THSD7B: variants seen among roughly 807,000 people sequenced by gnomAD.
The protein encoded by THSD7B is thrombospondin type-1 domain-containing protein 7B.
Under a neutral mutation model 213.6 loss-of-function variants are expected in THSD7B, and 138 were observed. That is an observed-to-expected ratio of 0.65 (90% confidence interval 0.56 to 0.74). The LOEUF (loss-of-function observed/expected upper bound fraction) is 0.74. Among genes scored for constraint, THSD7B ranks in the 30% least tolerant of loss-of-function variants. The probability of loss-of-function intolerance (pLI) is 0.00; values close to 1 mark genes in which losing one functional copy is unlikely to be tolerated. For synonymous variants in THSD7B, 742 were observed against 687.0 expected, an observed-to-expected ratio of 1.08 and a Z score of -1.25; for missense variants, 1,931 against 1,991.5, an observed-to-expected ratio of 0.97 and a Z score of 0.58.
intron 3 of THSD7B, among the ~76,000 whole-genome samples, chr2:137,070,094 T>C (rs1472346458): frequency 6.6e-6 from 1 of 151,916 alleles, no homozygotes; most frequent in East Asian, 1.9e-4. Context: ...ATGTCACTAA[T>C]CCCATGTCCT....
chr2:136,998,434 G>A (rs899384664), intron 2 of THSD7B, among the ~76,000 whole-genome samples: 4 of 152,052 alleles, frequency 2.6e-5, no homozygotes, highest in East Asian at 1.9e-4. Context: ...ACTTAAATGA[G>A]TGAGGATGGC....
chr2:137,647,047 C>T (rs968909365), intron 21 of THSD7B, among the ~76,000 whole-genome samples: 1 of 152,184 alleles, frequency 6.6e-6, no homozygotes, highest in Non-Finnish European at 1.5e-5. Context: ...TATCCGTGAC[C>T]TTCCCTTGAT....
chr2:137,004,430 A>G (rs563070545), intron 2 of THSD7B, among the ~76,000 whole-genome samples: 3 of 152,158 alleles, frequency 2.0e-5, no homozygotes, highest in Non-Finnish European at 4.4e-5. Flanking sequence ...TCTTATGGAA[A>G]CAATTGCTTG....
At chr2:137,128,013 G>A (rs1462169099) in intron 5 of THSD7B, among the ~76,000 whole-genome samples, 1 of 152,034 alleles carries the variant, frequency 6.6e-6, no homozygotes, top group Non-Finnish European at 1.5e-5. Context: ...AGATGTAAAG[G>A]CAGTTGCATT....
At chr2:137,672,825 T>G (rs1183669857) in intron 27 of THSD7B, among the ~76,000 whole-genome samples, 1 of 152,198 alleles carries the variant, frequency 6.6e-6, no homozygotes, top group Non-Finnish European at 1.5e-5. Context: ...AATACTAGCC[T>G]TTGAACATCT....
At chr2:136,793,474 G>T (rs1469007634) in intron 1 of THSD7B, among the ~76,000 whole-genome samples, 1 of 151,978 alleles carries the variant, frequency 6.6e-6, no homozygotes. Flanking sequence ...TTTTCCCAGT[G>T]TGTGGGGTTA....
intron 1 of THSD7B, among the ~76,000 whole-genome samples, chr2:136,788,263 T>C (rs1309244604): frequency 1.3e-5 from 2 of 152,154 alleles, no homozygotes; most frequent in Non-Finnish European, 2.9e-5. Context: ...CAAATCACAA[T>C]TGATTGAAGG....
chr2:137,634,627 A>G (rs1044669893), intron 20 of THSD7B, among the ~76,000 whole-genome samples: 1 of 152,218 alleles, frequency 6.6e-6, no homozygotes, highest in Non-Finnish European at 1.5e-5. Flanking sequence ...TCAGGGCCAC[A>G]GAAGAATTGT....
At chr2:137,137,094 G>A (rs999993056) in intron 5 of THSD7B, among the ~76,000 whole-genome samples, 5 of 152,142 alleles carry the variant, frequency 3.3e-5, no homozygotes, top group African/African-American at 1.2e-4. Context: ...GTTAAATGAA[G>A]TTTTGGTAAA....
At chr2:137,389,193 CATATAT>C (rs59969102) in intron 12 of THSD7B, among the ~76,000 whole-genome samples, 56 of 127,290 alleles carry the variant, frequency 4.4e-4, no homozygotes, top group Middle Eastern at 4.1e-3. Context: ...ATATATCTGT[CATATAT>C]ATATATATAT....
At chr2:137,250,567 C>T (rs1428577902) in intron 10 of THSD7B, among the ~76,000 whole-genome samples, 1 of 152,196 alleles carries the variant, frequency 6.6e-6, no homozygotes, top group Non-Finnish European at 1.5e-5. Flanking sequence ...CACATGGAAT[C>T]CTAAGCTCTT....
At chr2:137,605,244 C>A (rs1043080869) in intron 17 of THSD7B, among the ~76,000 whole-genome samples, 6 of 152,102 alleles carry the variant, frequency 3.9e-5, no homozygotes, top group Non-Finnish European at 5.9e-5. Context: ...AGAAACAGCC[C>A]AAACTCATCA....
chr2:136,956,931 G>A (rs1177405568), intron 2 of THSD7B, among the ~76,000 whole-genome samples: 2 of 152,080 alleles, frequency 1.3e-5, no homozygotes, highest in African/African-American at 2.4e-5. Flanking sequence ...GCCTGCCTCA[G>A]CCTCCCAAAG....
At chr2:137,332,669 C>T (rs1013086058) in intron 12 of THSD7B, among the ~76,000 whole-genome samples, 1 of 152,100 alleles carries the variant, frequency 6.6e-6, no homozygotes, top group African/African-American at 2.4e-5. Flanking sequence ...ATTGTAGTTC[C>T]CATAATCCCA....
At chr2:137,167,741 T>C (rs1302143980) in intron 6 of THSD7B, among the ~76,000 whole-genome samples, 2 of 152,180 alleles carry the variant, frequency 1.3e-5, no homozygotes, top group African/African-American at 4.8e-5. Context: ...CAGATACTAG[T>C]TTCACTAAAG....
At chr2:137,058,035 A>C (rs1056885654) in intron 3 of THSD7B, among the ~76,000 whole-genome samples, 4 of 152,216 alleles carry the variant, frequency 2.6e-5, no homozygotes, top group African/African-American at 7.2e-5. Flanking sequence ...ATAGTACTTA[A>C]ATTACCAAAC....
chr2:136,767,944 G>A (rs1681437875), intron 1 of THSD7B, among the ~76,000 whole-genome samples: 1 of 151,526 alleles, frequency 6.6e-6, no homozygotes, highest in Non-Finnish European at 1.5e-5. Context: ...GTTGTTGATT[G>A]TTAGAGAGTT....
chr2:137,646,676 AATAAT>A (rs748074580), intron 21 of THSD7B, among the ~76,000 whole-genome samples: 22 of 148,078 alleles, frequency 1.5e-4, no homozygotes, highest in Non-Finnish European at 2.1e-4. Context: ...TAATAATAAT[AATAAT>A]AAACACTTCA....
At position 136,851,750 on chromosome 2, in the gene THSD7B, G is replaced by A. The variant is rs893026670; in HGVS notation, c.-35-30394G>A. Among the ~76,000 whole-genome samples the A allele has an allele frequency of 2.6e-5, 4 of 151,954 alleles. No individual in the cohort carries two copies. In the South Asian group the frequency reaches 6.2e-4, roughly 24 times the overall value. ...GTCTCTTAAGGCCTAGTCTTGTATC[G>A]TTACAGCCTTTTTCTACAGGACAAA... On this transcript the variant is annotated intron_variant, in intron 1 of 27. Transcript: ENST00000409968.
Sources: gnomAD v4.1 joint callset for allele counts (sites outside exome capture counted in the v4.1 genomes callset) on GRCh38, gnomAD v4.1.1 for gene constraint, MANE v1.5 for transcripts, NCBI Gene and HGNC (gene_info 2026-07-23, HGNC 2026-07-21) for gene names.